Variants in TRIM24 observed in about 807,000 individuals in gnomAD.
TRIM24 encodes tripartite motif containing 24.
TRIM24 carries 29 observed loss-of-function variants against 123.9 expected under a neutral mutation model. That is an observed-to-expected ratio of 0.23 (90% CI 0.17 to 0.32). The LOEUF (loss-of-function observed/expected upper bound fraction) is 0.32, where lower values mean the gene tolerates loss of function less well. Among genes scored for constraint, TRIM24 ranks in the 10% least tolerant of loss-of-function variants. The pLI, the probability that TRIM24 is intolerant of heterozygous loss-of-function variation, is 1.00. For missense variants in TRIM24, 932 were observed against 1,295.3 expected (o/e 0.72, Z 4.31); for synonymous variants, 456 against 461.1 (o/e 0.99, Z 0.14).
At chr7:138,566,366 A>G (rs1436868765) in intron 9 of TRIM24, among the ~76,000 whole-genome samples, 1 of 152,130 alleles carries the variant, frequency 6.6e-6, no homozygotes, top group East Asian at 1.9e-4. Flanking sequence ...AAATACAAAA[A>G]TTAGCCAGGT....
chr7:138,545,209 A>T (rs1797078134), intron 7 of TRIM24, among the ~76,000 whole-genome samples: 1 of 152,068 alleles, frequency 6.6e-6, no homozygotes, highest in African/African-American at 2.4e-5. Flanking sequence ...CATAAAAACT[A>T]TCAAGAATCT....
chr7:138,570,151 T>G (rs1797623834), intron 10 of TRIM24, among the ~76,000 whole-genome samples: 1 of 152,154 alleles, frequency 6.6e-6, no homozygotes, highest in Admixed American at 6.5e-5. Flanking sequence ...TTCACCATGT[T>G]GGCCAGGGTG....
chr7:138,505,171 T>G (rs1479025355), intron 2 of TRIM24, among the ~76,000 whole-genome samples: 1 of 152,166 alleles, frequency 6.6e-6, no homozygotes, highest in African/African-American at 2.4e-5. Context: ...TTTAAAAGAA[T>G]ATAAAGAATA....
At chr7:138,552,446 T>A (rs1016387892) in intron 8 of TRIM24, among the ~76,000 whole-genome samples, 16 of 152,172 alleles carry the variant, frequency 1.1e-4, no homozygotes, top group African/African-American at 3.9e-4. Flanking sequence ...TAGAAACACC[T>A]TTTTGCCTTC....
At position 138,504,444 on chromosome 7, in the gene TRIM24, G is replaced by GTTTTTTTTTTTTTTTTTTTTT. The variant is rs1563036659; in HGVS notation, c.483+36_483+37insTTTTTTTTTTTTTTTTTTTTT. On this transcript the variant is annotated intron_variant, in intron 2 of 18. Transcript: ENST00000343526. ...TACATCTTGAACCTTTTGCCTGCCAGCTCTTTTTTTTTTTTTTTTTTTTTT... is the reference window on the plus strand; with the variant it reads ...TACATCTTGAACCTTTTGCCTGCCAGTTTTTTTTTTTTTTTTTTTTTCTCTTTTTTTTTTTTTTTTTTTTTT... The GTTTTTTTTTTTTTTTTTTTTT allele has an allele frequency of 3.0e-5, 18 of 603,602 alleles. 4 individuals carry two copies. The highest frequency in any genetic ancestry group is 6.6e-5 in the African/African-American group (3 of 45,586). 37.4% of individuals were successfully genotyped at this position (603,602 alleles called of 1,614,324 possible).
rs1554436686 is a variant in TRIM24, at chr7:138,508,708, C to CGTGTGTGTGTGCGT, written c.483+4312_483+4325dup. On this transcript the variant is annotated intron_variant, in intron 2 of 18. Coordinates refer to ENST00000343526, the MANE Select transcript of TRIM24 (RefSeq NM_015905.3). ...GTGTGTGTGTGCGCGCGCGTGTGTG[C>CGTGTGTGTGTGCGT]GTGTGTGTGTGCGTGTGTGTGTGTG... Among the ~76,000 whole-genome samples, 56 of 136,280 alleles carry CGTGTGTGTGTGCGT rather than the reference C, an allele frequency of 4.1e-4. 1 individual carries two copies. Among genetic ancestry groups the CGTGTGTGTGTGCGT allele is most frequent in the South Asian group, 1.0e-3 (4 of 3,984 alleles). 89.4% of individuals were successfully genotyped at this position (136,280 alleles called of 152,430 possible). A position where few individuals can be genotyped will look rare whatever the true frequency, so the allele number is the denominator to read the frequency against.
intron 6 of TRIM24, among the ~76,000 whole-genome samples, chr7:138,532,356 A>G (rs1323494008): frequency 6.6e-6 from 1 of 152,092 alleles, no homozygotes; most frequent in Non-Finnish European, 1.5e-5. Context: ...TAGGTCTAAC[A>G]TTTAAGTCTT....
chr7:138,555,703 C>T (rs1037510835), intron 9 of TRIM24, among the ~76,000 whole-genome samples: 19 of 151,928 alleles, frequency 1.3e-4, no homozygotes, highest in African/African-American at 4.6e-4. Context: ...AGGATGGTCT[C>T]GATCTCCTGA....
chr7:138,584,780 A>G lies in TRIM24; in HGVS notation c.2982A>G (p.Glu994=), dbSNP rs555832614. Residue 994 remains glutamate, a synonymous_variant, in exon 19 of 19, where the codon GAA becomes GAG. Transcript: ENST00000343526. The stretch of plus-strand genomic sequence containing the variant: ...TAGCCAATGCTGGTATAAAACTTGA[A>G]AATTATTTTGAAGAACTTCTAAAGA... ...SEVANAGIKL[E]NYFEELLKNL... The G allele has an allele frequency of 2.8e-5, 45 of 1,612,190 alleles. No individual in the cohort carries two copies. Among genetic ancestry groups the G allele is most frequent in the Middle Eastern group, 3.3e-4 (2 of 6,058 alleles).
At chr7:138,475,995 C>T (rs1795388328) in intron 1 of TRIM24, among the ~76,000 whole-genome samples, 1 of 152,030 alleles carries the variant, frequency 6.6e-6, no homozygotes, top group Non-Finnish European at 1.5e-5. Flanking sequence ...CTACAAGCTG[C>T]AGTCTGTAAT....
chr7:138,472,875 A>T lies in TRIM24; in HGVS notation c.364+11963A>T, dbSNP rs537468496. Among the ~76,000 whole-genome samples, 605 of 151,352 alleles carry T rather than the reference A, an allele frequency of 4.0e-3. 3 individuals are homozygous for T. The highest frequency in any genetic ancestry group is 0.013 in the African/African-American group (532 of 41,296). On this transcript the variant is annotated intron_variant, in intron 1 of 18. Coordinates refer to ENST00000343526, the MANE Select transcript of TRIM24 (RefSeq NM_015905.3). ...CATTCTGACACAAGCTCTTAAAAAA[A>T]TTTTTTTTTTAAATAGAAACAGGGT...
intron 1 of TRIM24, among the ~76,000 whole-genome samples, chr7:138,489,206 C>T (rs558962210): frequency 1.9e-4 from 29 of 152,260 alleles, no homozygotes; most frequent in Non-Finnish European, 3.4e-4. Flanking sequence ...CTTGGTAGAT[C>T]TTCCTCCATC....
In TRIM24 at chr7:138,586,178, T is replaced by TATAGATAG. The variant is rs147140704; in HGVS notation, c.*1241_*1248dup. 1 of 277,200 alleles carries TATAGATAG rather than the reference T, an allele frequency of 3.6e-6. No individual in the cohort carries two copies. Among genetic ancestry groups the TATAGATAG allele is most frequent in the African/African-American group, 2.2e-5 (1 of 45,072 alleles). 17.2% of individuals were successfully genotyped at this position (277,200 alleles called of 1,614,324 possible). On this transcript the variant is annotated 3_prime_UTR_variant, in exon 19 of 19. Coordinates refer to ENST00000343526, the MANE Select transcript of TRIM24 (RefSeq NM_015905.3). ...TGCCAGACCTACCCGGTTCAGCTGATATAGATAGATAGATAGATAGAAGAA... is the reference window on the plus strand; with the variant it reads ...TGCCAGACCTACCCGGTTCAGCTGATATAGATAGATAGATAGATAGATAGATAGAAGAA...
chr7:138,572,246 C>CATCT (rs1469871271), intron 11 of TRIM24, among the ~76,000 whole-genome samples: 1 of 152,116 alleles, frequency 6.6e-6, no homozygotes, highest in East Asian at 1.9e-4. Flanking sequence ...GGAAAACTTA[C>CATCT]ATCTAATCCC....
intron 1 of TRIM24, among the ~76,000 whole-genome samples, chr7:138,484,707 TAC>T (rs527429685): frequency 3.6e-4 from 55 of 152,262 alleles, no homozygotes; most frequent in African/African-American, 1.1e-3. Flanking sequence ...TAAAATGAAT[TAC>T]AGAGTGCTAC....
At chr7:138,519,007 T>C (rs974103920) in intron 3 of TRIM24, among the ~76,000 whole-genome samples, 182 bp from the exon 4 acceptor site, 5 of 152,240 alleles carry the variant, frequency 3.3e-5, no homozygotes, top group African/African-American at 9.6e-5. Flanking sequence ...ACTTTTTTTT[T>C]CCTGAAATGC....
chr7:138,536,092 C>G (rs538286611), intron 6 of TRIM24, among the ~76,000 whole-genome samples: 4 of 152,270 alleles, frequency 2.6e-5, no homozygotes, highest in African/African-American at 9.6e-5. Flanking sequence ...CTTCTCTACA[C>G]TGGTTATTCT....
At chr7:138,462,165 C>G (rs1018475249) in intron 1 of TRIM24, among the ~76,000 whole-genome samples, 1 of 152,060 alleles carries the variant, frequency 6.6e-6, no homozygotes. Flanking sequence ...ATAAGAATAA[C>G]GTCTCCCTCT....
intron 1 of TRIM24, among the ~76,000 whole-genome samples, chr7:138,495,620 C>CT (rs1029168730): frequency 2.6e-5 from 4 of 151,572 alleles, no homozygotes; most frequent in African/African-American, 7.3e-5. Flanking sequence ...TTTTCTTTAT[C>CT]TTTTTTTTAT....
Sources: allele counts gnomAD v4.1 joint callset (sites outside exome capture counted in the v4.1 genomes callset), GRCh38; gene constraint gnomAD v4.1.1; transcripts MANE v1.5; gene names NCBI Gene and HGNC (gene_info 2026-07-23, HGNC 2026-07-21).